The following SULF1 variants were observed in gnomAD, a reference collection of about 807,000 sequenced individuals.
The protein encoded by SULF1 is sulfatase 1, also known as extracellular sulfatase Sulf-1.
SULF1 carries 46 observed loss-of-function variants against 110.5 expected under a neutral mutation model. That is an observed-to-expected ratio of 0.42 (90% CI 0.33 to 0.53). SULF1 has a LOEUF of 0.53. Among genes scored for constraint, SULF1 ranks in the 20% least tolerant of loss-of-function variants. The pLI, the probability that SULF1 is intolerant of heterozygous loss-of-function variation, is 0.12. For missense variants in SULF1, 941 were observed against 1,094.2 expected, an observed-to-expected ratio of 0.86 and a Z score of 1.98; for synonymous variants, 371 against 387.1, an observed-to-expected ratio of 0.96 and a Z score of 0.49.
At chr8:69,562,248 A>T (rs998027615) in intron 3 of SULF1, among the ~76,000 whole-genome samples, 3 of 152,234 alleles carry the variant, frequency 2.0e-5, no homozygotes, top group Admixed American at 2.0e-4. Context: ...GTGTTTGTGT[A>T]AAACAAAATA....
chr8:69,578,508 C>G (rs1805795355), intron 6 of SULF1, among the ~76,000 whole-genome samples: 1 of 101,360 alleles, frequency 9.9e-6, no homozygotes, highest in Admixed American at 1.4e-4. Flanking sequence ...CCCCCCTCCC[C>G]CCACCCCACA....
chr8:69,522,654 G>A (rs146866121), intron 3 of SULF1, among the ~76,000 whole-genome samples: 28 of 152,318 alleles, frequency 1.8e-4, no homozygotes, highest in African/African-American at 6.7e-4. Flanking sequence ...GCATTCAAAA[G>A]TCAAAGAGAA....
rs79706527 is a variant in SULF1, at chr8:69,603,726, T to C, written c.1247+70T>C. 1.0e-3 allele frequency: 1,101 copies of C among 1,066,750 alleles called. 30 individuals are homozygous for C. The East Asian group carries it at 0.025, about 24-fold the overall frequency. The allele number at this position is 1,066,750 out of a possible 1,614,324, so 66.1% of individuals were successfully genotyped here. On this transcript the variant is annotated intron_variant, in intron 12 of 22. Transcript: ENST00000402687. ...GGCAGCTTTCCCTGCTGAGTATTTT[T>C]TTTCTCCTTATTTTTGTTTACTAAG...
intron 3 of SULF1, among the ~76,000 whole-genome samples, chr8:69,561,791 A>G (rs17646697): frequency 0.15 from 22,756 of 152,206 alleles, 1,743 homozygotes; most frequent in South Asian, 0.19. Flanking sequence ...GTATTTAACT[A>G]TTTAGCCTGA....
intron 15 of SULF1, among the ~76,000 whole-genome samples, chr8:69,626,591 C>G (rs900944300): frequency 6.6e-6 from 1 of 152,240 alleles, no homozygotes; most frequent in African/African-American, 2.4e-5. Flanking sequence ...GGGTGGGAGG[C>G]TCAGGCATGG....
intron 1 of SULF1, among the ~76,000 whole-genome samples, chr8:69,467,690 A>T (rs2150526109): frequency 6.6e-6 from 1 of 152,370 alleles, no homozygotes; most frequent in Non-Finnish European, 1.5e-5. Context: ...CTAAAGTAGC[A>T]TCTCTGTAAT....
At position 69,581,920 on chromosome 8, in the gene SULF1, G is replaced by A. The variant is rs577201329; in HGVS notation, c.413-4437G>A. Among the ~76,000 whole-genome samples, 44 of 152,192 alleles carry A rather than the reference G, an allele frequency of 2.9e-4. 1 individual carries two copies. The South Asian group carries it at 5.6e-3, about 19-fold the overall frequency. On this transcript the variant is annotated intron_variant, in intron 6 of 22. Coordinates refer to ENST00000402687, the MANE Select transcript of SULF1 (RefSeq NM_001128205.2). ...CTTGGAATGAGTGTGATGGGTGAGC[G>A]CACATCTGGAATACTGAGTACATTT...
intron 22 of SULF1, among the ~76,000 whole-genome samples, chr8:69,650,061 T>A (rs1208976663): frequency 7.0e-6 from 1 of 142,908 alleles, no homozygotes; most frequent in Non-Finnish European, 1.5e-5. Context: ...AGTGTTGCAA[T>A]CTTGGCTTAC....
intron 1 of SULF1, among the ~76,000 whole-genome samples, chr8:69,481,673 G>A (rs1809527427): frequency 6.6e-6 from 1 of 152,098 alleles, no homozygotes; most frequent in Non-Finnish European, 1.5e-5. Context: ...GTGTCCATGT[G>A]TTCTCATCAT....
At chr8:69,596,279 C>T (rs1217827704) in intron 8 of SULF1, among the ~76,000 whole-genome samples, 1 of 152,112 alleles carries the variant, frequency 6.6e-6, no homozygotes, top group Non-Finnish European at 1.5e-5. Context: ...GAAAGGTCTT[C>T]CCAGGTTAGG....
At chr8:69,650,361 G>A (rs1473956947) in intron 22 of SULF1, among the ~76,000 whole-genome samples, 1 of 152,112 alleles carries the variant, frequency 6.6e-6, no homozygotes, top group Non-Finnish European at 1.5e-5. Context: ...GCCAGATATG[G>A]AGGCTCACAC....
chr8:69,502,320 A>G (rs1422990513), intron 3 of SULF1, among the ~76,000 whole-genome samples: 1 of 152,220 alleles, frequency 6.6e-6, no homozygotes, highest in Non-Finnish European at 1.5e-5. Flanking sequence ...ATGCACAGCC[A>G]TCCACAACAT....
rs746268118 is a variant in SULF1 at position 69,576,020 on chromosome 8, G to A, written c.223G>A (p.Ala75Thr). 5.3e-5 allele frequency: 85 copies of A among 1,613,938 alleles called. No homozygotes were observed. Among genetic ancestry groups the A allele is most frequent in the Middle Eastern group, 1.6e-4 (1 of 6,084 alleles). ...GAGAAAGATTATGGAACATGGGGGG[G>A]CCACCTTCATCAATGCCTTTGTGAC... is the stretch of plus-strand genomic sequence containing the variant. ...KTRKIMEHGG[A>T]TFINAFVTTP... Residue 75 changes from alanine (A) to threonine (T), a missense_variant, in exon 6 of 23, where the codon GCC becomes ACC. Physicochemically the swap from Ala to Thr is moderately conservative, Grantham distance 58. Transcript: ENST00000402687.
chr8:69,636,734 C>T (rs1182571480), intron 19 of SULF1, among the ~76,000 whole-genome samples: 1 of 152,108 alleles, frequency 6.6e-6, no homozygotes, highest in Non-Finnish European at 1.5e-5. Flanking sequence ...ACTTTTGAAG[C>T]GTTGGTTGTG....
intron 1 of SULF1, among the ~76,000 whole-genome samples, chr8:69,478,800 G>A (rs1234972287): frequency 6.6e-6 from 1 of 152,068 alleles, no homozygotes; most frequent in African/African-American, 2.4e-5. Flanking sequence ...GAAACAGTAA[G>A]ACAAGTTGAG....
chr8:69,549,654 G>A (rs1814549940), intron 3 of SULF1, among the ~76,000 whole-genome samples: 6 of 152,164 alleles, frequency 3.9e-5, no homozygotes, highest in Admixed American at 2.0e-4. Flanking sequence ...TAAGGTGTGG[G>A]TTAAGGACAG....
intron 2 of SULF1, among the ~76,000 whole-genome samples, chr8:69,500,478 C>A (rs1810719278): frequency 6.6e-6 from 1 of 152,222 alleles, no homozygotes; most frequent in African/African-American, 2.4e-5. Context: ...AAAAGGTATT[C>A]TTTGACATCA....
upstream of SULF1, among the ~76,000 whole-genome samples, chr8:69,489,571 C>CTTTTTTTTTTTTTTTTTT (rs61391745): frequency 8.7e-5 from 8 of 91,958 alleles, no homozygotes; most frequent in African/African-American, 1.8e-4. Flanking sequence ...CTTTCTTTCT[C>CTTTTTTTTTTTTTTTTTT]TTTTTTTTTT....
intron 8 of SULF1, among the ~76,000 whole-genome samples, chr8:69,597,841 T>C (rs1176442752): frequency 6.6e-6 from 1 of 152,226 alleles, no homozygotes; most frequent in East Asian, 1.9e-4. Flanking sequence ...CTGTTATAGC[T>C]GTATTCTTTC....
Sources: gnomAD v4.1 joint callset for allele counts (sites outside exome capture counted in the v4.1 genomes callset) on GRCh38, gnomAD v4.1.1 for gene constraint, MANE v1.5 for transcripts, NCBI Gene and HGNC (gene_info 2026-07-23, HGNC 2026-07-21) for gene names.